The following ARGLU1 variants were observed in gnomAD, a reference collection of about 807,000 sequenced individuals.
ARGLU1 encodes arginine and glutamate rich 1.
ARGLU1 carries 9 observed loss-of-function variants against 37.6 expected under a neutral mutation model. The ratio of observed to expected loss-of-function variants is 0.24; its 90% CI spans 0.14 to 0.42. ARGLU1 has a LOEUF of 0.42. ARGLU1 is among the 10% of genes least tolerant of loss of function. The pLI, the probability that ARGLU1 is intolerant of heterozygous loss-of-function variation, is 1.00. For synonymous variants in ARGLU1, 166 were observed against 138.5 expected, an observed-to-expected ratio of 1.20 and a Z score of -1.39; for missense variants, 211 against 359.2, an observed-to-expected ratio of 0.59 and a Z score of 3.34.
chr13:106,559,845 T>A (rs1442122671), intron 1 of ARGLU1, among the ~76,000 whole-genome samples, 188 bp from the exon 2 acceptor site: 2 of 152,216 alleles, frequency 1.3e-5, no homozygotes, highest in Non-Finnish European at 2.9e-5. Context: ...GAAATTCAAA[T>A]GAGTATAAAA....
chr13:106,559,756 A>G, intron 1 of ARGLU1, 99 bp from the exon 2 acceptor site: 1 of 1,282,496 alleles, frequency 7.8e-7, no homozygotes, highest in South Asian at 1.5e-5. Context: ...TGAGCCTGAT[A>G]TTATTCAGTG....
At position 106,567,647 on chromosome 13, in the gene ARGLU1, C is replaced by T. The variant is rs776525147; in HGVS notation, c.273G>A (p.Lys91=). ...TCTGCTTCTCGTCCAGGCTGCTGCG[C>T]TTGCTCACCGTGCGCCCGAAGATGT... ...RIDIFGRTVS[K]RSSLDEKQKR... The change falls in exon 1 of 4, where the codon AAG becomes AAA. Residue 91 remains lysine (K), a synonymous_variant. Transcript: ENST00000400198. The surrounding 1 kb of genome is among the most constrained non-coding windows in gnomAD (Gnocchi z 4.3). 1.2e-6 allele frequency: 2 copies of T among 1,613,640 alleles called. No individual in the cohort carries two copies. The highest frequency in any genetic ancestry group is 3.3e-5 in the Admixed American group (2 of 60,002).
chr13:106,545,997 T>TTTC, intron 3 of ARGLU1, among the ~76,000 whole-genome samples: 1 of 152,338 alleles, frequency 6.6e-6, no homozygotes, highest in East Asian at 1.9e-4. Context: ...TTCCACTTTA[T>TTTC]CCTTAAAATA....
At chr13:106,558,264 T>C (rs1046717460) in intron 2 of ARGLU1, 6 of 983,838 alleles carry the variant, frequency 6.1e-6, no homozygotes, top group Non-Finnish European at 7.2e-6. Context: ...AAAAATTTCA[T>C]ACATTCAATT....
chr13:106,547,991 T>A (rs1364133009), intron 3 of ARGLU1, among the ~76,000 whole-genome samples: 2 of 152,210 alleles, frequency 1.3e-5, no homozygotes, highest in Non-Finnish European at 2.9e-5. Context: ...TGTGTATGTA[T>A]GTACAGCAGA....
Position 106,543,218 on chromosome 13 carries a change from T to C in ARGLU1, c.*778A>G, listed in dbSNP as rs1880305138. 6.6e-6 allele frequency: 1 copy of C among 152,480 alleles called. No homozygotes were observed. Among genetic ancestry groups the C allele is most frequent in the African/African-American group, 2.4e-5 (1 of 41,434 alleles). The allele number at this position is 152,480 out of a possible 1,614,324, so 9.4% of individuals were successfully genotyped here. On this transcript the variant is annotated 3_prime_UTR_variant, in exon 4 of 4. Transcript: ENST00000400198. ...GTACATATAAACCCTATGTTAAAAG[T>C]ATAAACAAGAGGAAATATAGTTCTA...
rs776615438 is a variant in ARGLU1 at position 106,567,564 on chromosome 13, G to A, written c.347+9C>T. 6.3e-7 allele frequency: 1 copy of A among 1,580,216 alleles called. No homozygotes were observed. Among genetic ancestry groups the A allele is most frequent in the African/African-American group, 1.4e-5 (1 of 74,052 alleles). ...GCACGCCCCGGTCCCTCCCCGCGCG[G>A]GCACTCACATTTTTCGCTGCCGCTC... On this transcript the variant is annotated intron_variant, in intron 1 of 3. Transcript: ENST00000400198. The surrounding 1 kb of genome is among the most constrained non-coding windows in gnomAD (Gnocchi z 4.3).
In ARGLU1 at chr13:106,557,533, A is replaced by G; in HGVS notation, c.574-402T>C. 1 of 1,583,144 alleles carries G rather than the reference A, an allele frequency of 6.3e-7. No individual in the cohort carries two copies. The highest frequency in any genetic ancestry group is 8.6e-7 in the Non-Finnish European group (1 of 1,163,162). The stretch of plus-strand genomic sequence containing the variant: ...CGTATTCTTTACCTATACTCCTTTA[A>G]TCAGCATTAAAAGTTGAATATTTAC... On this transcript the variant is annotated intron_variant, in intron 2 of 3. Coordinates refer to ENST00000400198, the MANE Select transcript of ARGLU1 (RefSeq NM_018011.4). The surrounding 1 kb of genome is among the most constrained non-coding windows in gnomAD (Gnocchi z 5.0).
chr13:106,565,354 CAT>C (rs754702750), intron 1 of ARGLU1, among the ~76,000 whole-genome samples: 1 of 152,222 alleles, frequency 6.6e-6, no homozygotes, highest in African/African-American at 2.4e-5. Flanking sequence ...CTGTGCTCCA[CAT>C]ATGTCCTATA....
Position 106,544,021 on chromosome 13 carries a change from G to C in ARGLU1, c.797C>G (p.Ser266Cys). 6.3e-7 allele frequency: 1 copy of C among 1,588,766 alleles called. No individual in the cohort carries two copies. The highest frequency in any genetic ancestry group is 8.5e-7 in the Non-Finnish European group (1 of 1,171,976). Residue 266 changes from serine to cysteine, a missense_variant, in exon 4 of 4, where the codon TCC (serine) becomes TGC (cysteine). Physicochemically the swap from Ser to Cys is moderately radical, Grantham distance 112 (BLOSUM62 -1). Coordinates refer to ENST00000400198, the MANE Select transcript of ARGLU1 (RefSeq NM_018011.4). The part of the protein sequence containing the change: ...LGKGKSRPKL[S>C]FSLKTQD ...TTAATCCTGGGTTTTTAATGAGAAG[G>C]ACAGTTTTGGCCTGGACTTCCCCTT...
intron 1 of ARGLU1, chr13:106,561,880 T>C (rs1347170057): frequency 6.6e-6 from 1 of 152,234 alleles, no homozygotes; most frequent in East Asian, 1.9e-4. Flanking sequence ...TTTCCACTGA[T>C]GACATCAAAC....
At chr13:106,566,210 T>C (rs763416894) in intron 1 of ARGLU1, among the ~76,000 whole-genome samples, 7 of 152,236 alleles carry the variant, frequency 4.6e-5, no homozygotes, top group Non-Finnish European at 1.0e-4. Context: ...AAAATGAGTG[T>C]TGCATGTGTT....
chr13:106,556,913 A>G (rs966020160), intron 3 of ARGLU1, 135 bp downstream of exon 3: 5 of 688,846 alleles, frequency 7.3e-6, no homozygotes, highest in Non-Finnish European at 1.2e-5. Flanking sequence ...CCTTGCCTCA[A>G]AAAGCCTTTA....
intron 3 of ARGLU1, among the ~76,000 whole-genome samples, chr13:106,549,157 G>A (rs1479740868): frequency 6.6e-6 from 1 of 152,148 alleles, no homozygotes; most frequent in African/African-American, 2.4e-5. Flanking sequence ...GTAGTTCTTA[G>A]CAACAGTCCC....
At chr13:106,555,063 T>C (rs1422978895) in intron 3 of ARGLU1, among the ~76,000 whole-genome samples, 2 of 151,778 alleles carry the variant, frequency 1.3e-5, no homozygotes, top group South Asian at 2.1e-4. Context: ...GCCATCAGAA[T>C]AGTGTCACTC....
intron 3 of ARGLU1, among the ~76,000 whole-genome samples, chr13:106,551,429 C>T (rs1356898960): frequency 1.3e-5 from 2 of 152,196 alleles, no homozygotes; most frequent in Non-Finnish European, 2.9e-5. Context: ...TTATATGTTC[C>T]TAATTTGCTT....
At position 106,567,915 on chromosome 13, in the gene ARGLU1, C is replaced by A. The variant is rs755775967; in HGVS notation, c.5G>T (p.Gly2Val). 16 of 1,606,996 alleles carry A rather than the reference C, an allele frequency of 1.0e-5. No homozygotes were observed. The highest frequency in any genetic ancestry group is 1.4e-5 in the Non-Finnish European group (16 of 1,179,182). The change falls in exon 1 of 4, where the codon GGC becomes GTC. Residue 2 changes from glycine (G) to valine (V), a missense_variant. Gly to Val is a moderately radical substitution (Grantham distance 109). Around this residue, in one of 3 missense-constraint regions of ARGLU1, gnomAD observed 130 missense variants for 179.8 expected, o/e 0.72. Transcript: ENST00000400198. The surrounding 1 kb of genome is among the most constrained non-coding windows in gnomAD (Gnocchi z 4.3). M[G>V]RSRSRSSSRS... ...GGACGAGCTCCGGCTCCGAGACCGG[C>A]CCATCCTTCCGGGAGACGCTCTAAC... is the stretch of plus-strand genomic sequence containing the variant.
At position 106,543,591 on chromosome 13, in the gene ARGLU1, CTTTT is replaced by C. The variant is rs1351339000; in HGVS notation, c.*401_*404del. 6.5e-6 allele frequency: 1 copy of C among 153,028 alleles called. No individual in the cohort carries two copies. Among genetic ancestry groups the C allele is most frequent in the Non-Finnish European group, 1.5e-5 (1 of 68,478 alleles). 9.5% of individuals were successfully genotyped at this position (153,028 alleles called of 1,614,324 possible). A position where few individuals can be genotyped will look rare whatever the true frequency, so the allele number is the denominator to read the frequency against. The stretch of plus-strand genomic sequence containing the variant: ...TTCCCAATGCAATCACCAACTTTTT[CTTTT>C]TTTATAAATATATAAAAAAACAAAA... On this transcript the variant is annotated 3_prime_UTR_variant, in exon 4 of 4. Coordinates refer to ENST00000400198, the MANE Select transcript of ARGLU1 (RefSeq NM_018011.4).
At chr13:106,555,050 C>G (rs1594191294) in intron 3 of ARGLU1, among the ~76,000 whole-genome samples, 1 of 152,090 alleles carries the variant, frequency 6.6e-6, no homozygotes, top group African/African-American at 2.4e-5. Flanking sequence ...TTATCACAAG[C>G]ATGCCATCAG....
Sources: gnomAD v4.1 joint callset for allele counts (sites outside exome capture counted in the v4.1 genomes callset) on GRCh38, gnomAD v4.1.1 for gene constraint, gnomAD v4.1.1 regional missense constraint, Gnocchi (gnomAD v3.1) non-coding constraint, MANE v1.5 for transcripts, NCBI Gene and HGNC (gene_info 2026-07-23, HGNC 2026-07-21) for gene names.